The following UNC13C variants were observed in gnomAD, a reference collection of about 807,000 sequenced individuals.
UNC13C encodes the protein unc-13 homolog C.
Under a neutral mutation model 245.4 loss-of-function variants are expected in UNC13C, and 174 were observed. The ratio of observed to expected loss-of-function variants is 0.71; its 90% CI spans 0.63 to 0.80. The LOEUF is 0.80. Among genes scored for constraint, UNC13C ranks in the 30% least tolerant of loss-of-function variants. The pLI is 0.00. For missense variants in UNC13C, 2,829 were observed against 2,602.9 expected (o/e 1.09, Z -1.89); for synonymous variants, 992 against 895.1 (o/e 1.11, Z -1.93).
intron 1 of UNC13C, among the ~76,000 whole-genome samples, chr15:53,995,769 G>A (rs1207253063): frequency 6.6e-6 from 1 of 152,106 alleles, no homozygotes; most frequent in Non-Finnish European, 1.5e-5. Flanking sequence ...TGATAGGTTG[G>A]AGAAGATTAA....
chr15:53,853,390 A>C, the UNC13C span, among the ~76,000 whole-genome samples: 1 of 152,118 alleles, frequency 6.6e-6, no homozygotes, highest in Non-Finnish European at 1.5e-5. Flanking sequence ...CATTTTCTTT[A>C]TCCAGTCTAT....
intron 17 of UNC13C, among the ~76,000 whole-genome samples, chr15:54,342,403 A>AT (rs922038243): frequency 7.1e-4 from 107 of 149,938 alleles, no homozygotes; most frequent in African/African-American, 2.2e-3. Flanking sequence ...TATCTCTACA[A>AT]TTTTTTTTTT....
At chr15:54,462,540 C>A (rs1290237602) in intron 19 of UNC13C, among the ~76,000 whole-genome samples, 1 of 152,210 alleles carries the variant, frequency 6.6e-6, no homozygotes, top group Non-Finnish European at 1.5e-5. Context: ...GGTGGGCCCA[C>A]ACTTTGAGCA....
chr15:54,389,874 A>C (rs1271052662), intron 17 of UNC13C, among the ~76,000 whole-genome samples: 5 of 152,098 alleles, frequency 3.3e-5, no homozygotes, highest in African/African-American at 1.2e-4. Context: ...GACTACAGGC[A>C]TGTGCCACCA....
intron 1 of UNC13C, among the ~76,000 whole-genome samples, chr15:53,996,353 G>A (rs557738114): frequency 1.6e-4 from 25 of 152,224 alleles, no homozygotes; most frequent in African/African-American, 5.5e-4. Context: ...GGTGAGGCCT[G>A]GTCTTTGCGG....
chr15:54,474,715 G>T (rs1892633051), intron 19 of UNC13C, among the ~76,000 whole-genome samples: 1 of 151,782 alleles, frequency 6.6e-6, no homozygotes, highest in South Asian at 2.1e-4. Flanking sequence ...TGGTCCATTT[G>T]CACTGGTATA....
chr15:54,338,874 A>T (rs2141005662), intron 17 of UNC13C, among the ~76,000 whole-genome samples: 1 of 151,848 alleles, frequency 6.6e-6, no homozygotes, highest in Middle Eastern at 3.4e-3. Flanking sequence ...TATTTTATTT[A>T]TTTGTTTTTT....
At chr15:53,888,586 G>T in the UNC13C span, among the ~76,000 whole-genome samples, 1 of 152,076 alleles carries the variant, frequency 6.6e-6, no homozygotes, top group African/African-American at 2.4e-5. Context: ...GGCTTTTGTT[G>T]CCATTGCTTT....
At position 54,014,369 on chromosome 15, in the gene UNC13C, C is replaced by T. The variant is rs773688651; in HGVS notation, c.1466C>T (p.Ala489Val). ...TSKPSSKSHS[A>V]RSKNKTANSS... Reference sequence around the variant, plus strand: ...AAGCCAAGCTCAAAATCACACAGTGCTAGATCCAAGAATAAAACTGCTAAT... The same window carrying T: ...AAGCCAAGCTCAAAATCACACAGTGTTAGATCCAAGAATAAAACTGCTAAT... The change falls in exon 2 of 33, where the codon GCT becomes GTT. Residue 489 changes from alanine (A) to valine (V), a missense_variant. By Grantham distance (64) the Ala-to-Val change is moderately conservative. Coordinates refer to ENST00000260323, the MANE Select transcript of UNC13C (RefSeq NM_001080534.3). 1.5e-5 allele frequency: 24 copies of T among 1,613,856 alleles called. No individual in the cohort carries two copies. Among genetic ancestry groups the T allele is most frequent in the Non-Finnish European group, 1.9e-5 (23 of 1,179,842 alleles).
In UNC13C at chr15:54,622,311, CTCTGCTTATTTTCAGGTCGT is replaced by C. The variant is rs754904607; in HGVS notation, c.6107-13_6113del. ...AGTCTGAAAGCTCAGGCCAGTAAGCCTCTGCTTATTTTCAGGTCGTTCCTCCAAAGATGCCGTGGGTCAGA... is the reference window on the plus strand; with the variant it reads ...AGTCTGAAAGCTCAGGCCAGTAAGCCTCCTCCAAAGATGCCGTGGGTCAGA... On this transcript the variant is annotated splice_acceptor_variant and splice_polypyrimidine_tract_variant and coding_sequence_variant and intron_variant, in exon 31 of 33. Transcript: ENST00000260323. LOFTEE classifies it high-confidence loss of function. 6.3e-7 allele frequency: 1 copy of C among 1,595,942 alleles called. No individual in the cohort carries two copies. Among genetic ancestry groups the C allele is most frequent in the Non-Finnish European group, 8.6e-7 (1 of 1,163,766 alleles).
In UNC13C at chr15:54,549,643, G is replaced by A; in HGVS notation, c.5829G>A (p.Gln1943=). 1.9e-6 allele frequency: 3 copies of A among 1,604,726 alleles called. No homozygotes were observed. In the Middle Eastern group the frequency reaches 5.0e-4, roughly 266 times the overall value. ...LPPLTDQTGP[Q]MIFIAAKDLG... is the part of the protein sequence containing the mutation. ...TTTTTCTTTGTTTCTAGGGACCCCA[G>A]ATGATTTTCATTGCAGCTAAAGATC... The change falls in exon 28 of 33, where the codon CAG becomes CAA. Residue 1943 remains glutamine (Q), a synonymous_variant. Coordinates refer to ENST00000260323, the MANE Select transcript of UNC13C (RefSeq NM_001080534.3).
intron 2 of UNC13C, among the ~76,000 whole-genome samples, chr15:54,129,783 A>G (rs1177672545): frequency 6.6e-6 from 1 of 151,460 alleles, no homozygotes; most frequent in Admixed American, 6.6e-5. Flanking sequence ...GTTTATATGT[A>G]CATTCTATTT....
At chr15:54,355,197 C>T (rs536844875) in intron 17 of UNC13C, among the ~76,000 whole-genome samples, 1 of 152,196 alleles carries the variant, frequency 6.6e-6, no homozygotes, top group South Asian at 2.1e-4. Flanking sequence ...TTCCCAGTTC[C>T]AGTTATTTTG....
At chr15:53,988,360 C>T (rs1414077899) in intron 1 of UNC13C, among the ~76,000 whole-genome samples, 1 of 151,768 alleles carries the variant, frequency 6.6e-6, no homozygotes, top group African/African-American at 2.4e-5. Context: ...TATTATTGGT[C>T]AGGGAGAATA....
In UNC13C at chr15:54,014,599, G is replaced by A; in HGVS notation, c.1696G>A (p.Glu566Lys). ...TCAGTCTTACTCAGAAGATTTTTCAGAAAATCAGTTTTTCACTAGAACTAA... is the reference window on the plus strand; with the variant it reads ...TCAGTCTTACTCAGAAGATTTTTCAAAAAATCAGTTTTTCACTAGAACTAA... ...LCQSYSEDFSENQFFTRTNGS... is the reference protein window; with the variant it reads ...LCQSYSEDFSKNQFFTRTNGS... The change falls in exon 2 of 33, where the codon GAA becomes AAA. Residue 566 changes from glutamate (E) to lysine (K), a missense_variant. Physicochemically the swap from Glu to Lys is moderately conservative, Grantham distance 56 (BLOSUM62 1). Coordinates refer to ENST00000260323, the MANE Select transcript of UNC13C (RefSeq NM_001080534.3). The A allele has an allele frequency of 6.2e-7, 1 of 1,613,610 alleles. No individual in the cohort carries two copies. Among genetic ancestry groups the A allele is most frequent in the Non-Finnish European group, 8.5e-7 (1 of 1,179,788 alleles).
chr15:54,218,807 G>C (rs1281505655), intron 4 of UNC13C, among the ~76,000 whole-genome samples: 1 of 151,794 alleles, frequency 6.6e-6, no homozygotes, highest in African/African-American at 2.4e-5. Context: ...CTTCAGGAGG[G>C]GGACAGATGG....
At chr15:54,114,913 A>G (rs1342973649) in intron 2 of UNC13C, among the ~76,000 whole-genome samples, 4 of 152,110 alleles carry the variant, frequency 2.6e-5, no homozygotes, top group East Asian at 1.9e-4. Flanking sequence ...TGACTGCACA[A>G]TCTTCATGGC....
intron 30 of UNC13C, among the ~76,000 whole-genome samples, chr15:54,617,445 T>A (rs1165267894): frequency 6.6e-6 from 1 of 152,032 alleles, no homozygotes; most frequent in Non-Finnish European, 1.5e-5. Flanking sequence ...GTTAGAGATC[T>A]GAAGTCAAAT....
At chr15:54,445,214 A>AT (rs1231677697) in intron 19 of UNC13C, among the ~76,000 whole-genome samples, 1 of 151,844 alleles carries the variant, frequency 6.6e-6, no homozygotes, top group Non-Finnish European at 1.5e-5. Flanking sequence ...CCATTCTGCC[A>AT]TTTTCAGACA....
Sources: gnomAD v4.1 joint callset for allele counts (sites outside exome capture counted in the v4.1 genomes callset) on GRCh38, gnomAD v4.1.1 for gene constraint, MANE v1.5 for transcripts, NCBI Gene and HGNC (gene_info 2026-07-23, HGNC 2026-07-21) for gene names.